Variants in USH2A observed in about 807,000 individuals in gnomAD.
USH2A encodes the protein usherin, also known as Usher syndrome 2A (autosomal recessive, mild).
A neutral mutation model predicts 538.9 loss-of-function variants in USH2A; 443 were observed. The ratio of observed to expected loss-of-function variants is 0.82; its 90% CI spans 0.76 to 0.89. The LOEUF (loss-of-function observed/expected upper bound fraction) is 0.89, where lower values mean the gene tolerates loss of function less well. Among genes scored for constraint, USH2A ranks in the 40% least tolerant of loss-of-function variants. The pLI is 0.00. For missense variants in USH2A, 6,633 were observed against 6,324.8 expected, an observed-to-expected ratio of 1.05 and a Z score of -1.65; for synonymous variants, 2,413 against 2,273.5, an observed-to-expected ratio of 1.06 and a Z score of -1.75.
Position 215,790,159 on chromosome 1 carries a change from G to T in USH2A, c.10082C>A (p.Thr3361Asn). 2 of 1,613,934 alleles carry T rather than the reference G, an allele frequency of 1.2e-6. No individual in the cohort carries two copies. The highest frequency in any genetic ancestry group is 1.7e-6 in the Non-Finnish European group (2 of 1,179,992). The change falls in exon 51 of 72, where the codon ACT becomes AAT. Residue 3361 changes from threonine to asparagine, a missense_variant. Thr to Asn is a moderately conservative substitution (Grantham distance 65). Transcript: ENST00000307340. ...TTTCTGGCTCTTTGGAATAAGTTCA[G>T]TCTCACAGCATTTTACTGGCACCGG... ...NDPVPVKCCETELIPKSQKCC... is the reference protein window; with the variant it reads ...NDPVPVKCCENELIPKSQKCC...
intron 20 of USH2A, 70 bp downstream of exon 20, chr1:216,190,152 AG>A (rs2034685606): frequency 6.3e-7 from 1 of 1,587,264 alleles, no homozygotes; most frequent in African/African-American, 1.4e-5. Context: ...CAAGTAGAGA[AG>A]GTGTTGAATA....
In USH2A at chr1:215,970,634, C is replaced by A. The variant is rs1667470556; in HGVS notation, c.6948G>T (p.Leu2316=). Residue 2316 remains leucine, a synonymous_variant, in exon 36 of 72, where the codon CTG becomes CTT. Coordinates refer to ENST00000307340, the MANE Select transcript of USH2A (RefSeq NM_206933.4). ...AAATTTAGATACTCACCAGTGGGCC[C>A]AGAGCACAACCTTTGGCCGTGCATG... is the stretch of plus-strand genomic sequence containing the variant. ...VQACTAKGCA[L]GPLVENRTLE... 2 of 1,613,444 alleles carry A rather than the reference C, an allele frequency of 1.2e-6. No individual in the cohort carries two copies. Among genetic ancestry groups the A allele is most frequent in the African/African-American group, 1.3e-5 (1 of 74,866 alleles).
chr1:216,355,311 G>GAAAGAAAGAAAGAAAGAAAGAAA (rs1558051742), intron 4 of USH2A, among the ~76,000 whole-genome samples: 1 of 25,156 alleles, frequency 4.0e-5, no homozygotes, highest in Non-Finnish European at 1.3e-4. Context: ...GCTTCAAAAA[G>GAAAGAAAGAAAGAAAGAAAGAAA]AAAGAAAGAA....
chr1:216,278,532 T>C (rs10864236), intron 11 of USH2A, among the ~76,000 whole-genome samples: 6,153 of 152,272 alleles, frequency 0.04, 395 homozygotes, highest in African/African-American at 0.14. Context: ...TAAACTTCCC[T>C]AATTCTCTGA....
intron 21 of USH2A, among the ~76,000 whole-genome samples, chr1:216,125,033 G>A (rs1223868119): frequency 6.6e-6 from 1 of 152,094 alleles, no homozygotes; most frequent in African/African-American, 2.4e-5. Flanking sequence ...TCTAGAGTAT[G>A]ATGAATGTGC....
At chr1:216,076,360 T>C (rs955536473) in intron 27 of USH2A, among the ~76,000 whole-genome samples, 1 of 152,200 alleles carries the variant, frequency 6.6e-6, no homozygotes, top group Non-Finnish European at 1.5e-5. Context: ...TCATAGTGTG[T>C]AGGTAAAATT....
chr1:215,839,416 C>A (rs1289448812), intron 46 of USH2A, among the ~76,000 whole-genome samples: 1 of 152,078 alleles, frequency 6.6e-6, no homozygotes, highest in East Asian at 1.9e-4. Flanking sequence ...AACAAATTTG[C>A]AGAGAAGCCA....
chr1:216,146,010 C>T (rs1378332550), intron 21 of USH2A, among the ~76,000 whole-genome samples: 2 of 152,212 alleles, frequency 1.3e-5, no homozygotes, highest in African/African-American at 4.8e-5. Context: ...TTATTGCTCA[C>T]ACAAAGCCTG....
chr1:215,741,541 G>GA lies in USH2A; in HGVS notation c.11549-5dup, dbSNP rs34565443. The GA allele has an allele frequency of 0.043, 40,161 of 928,684 alleles. 2 individuals carry two copies. The highest frequency in any genetic ancestry group is 0.058 in the South Asian group (2,812 of 48,558). The allele number at this position is 928,684 out of a possible 1,614,324, so 57.5% of individuals were successfully genotyped here. On this transcript the variant is annotated splice_polypyrimidine_tract_variant and splice_region_variant and intron_variant, in intron 59 of 71. Transcript: ENST00000307340. ...CTACTGCTAACTCCACAACTTCCTTGAAAAAAAAAAAATTGAGGTCTTTAT... is the reference window on the plus strand; with the variant it reads ...CTACTGCTAACTCCACAACTTCCTTGAAAAAAAAAAAAATTGAGGTCTTTAT...
chr1:215,667,633 G>T (rs1173071238), intron 64 of USH2A, among the ~76,000 whole-genome samples: 1 of 151,970 alleles, frequency 6.6e-6, no homozygotes, highest in Non-Finnish European at 1.5e-5. Flanking sequence ...GGGAGGCGGA[G>T]GTTACAGTGA....
At chr1:216,394,542 T>C (rs1004128543) in intron 3 of USH2A, among the ~76,000 whole-genome samples, 11 of 152,120 alleles carry the variant, frequency 7.2e-5, no homozygotes, top group African/African-American at 2.7e-4. Context: ...TTAATGTATA[T>C]GTATTTGAAA....
intron 55 of USH2A, among the ~76,000 whole-genome samples, chr1:215,767,638 T>C (rs1333043931): frequency 6.6e-6 from 1 of 152,222 alleles, no homozygotes; most frequent in Non-Finnish European, 1.5e-5. Context: ...AGAAGTTGTA[T>C]ATTGTTAGAT....
In USH2A at chr1:216,325,466, C is replaced by T; in HGVS notation, c.982G>A (p.Ala328Thr). The T allele has an allele frequency of 6.2e-7, 1 of 1,613,896 alleles. No homozygotes were observed. Residue 328 changes from alanine (A) to threonine (T), a missense_variant, in exon 6 of 72, where the codon GCT becomes ACT. Transcript: ENST00000307340. ...YCIPNDAGDT[A>T]DNRVSRLNPE... ...TTCAACCGTGACACTCTATTATCAG[C>T]TGTGTCTCCTGCATCATTAGGAATG...
chr1:216,352,683 G>A (rs1398050658), intron 4 of USH2A, among the ~76,000 whole-genome samples: 1 of 152,080 alleles, frequency 6.6e-6, no homozygotes, highest in Middle Eastern at 3.2e-3. Flanking sequence ...CCTTGAAAAT[G>A]TTCCATTAAT....
chr1:215,715,959 T>C lies in USH2A; in HGVS notation c.12066+12071A>G, dbSNP rs572536985. Among the ~76,000 whole-genome samples, 14 of 152,316 alleles carry C rather than the reference T, an allele frequency of 9.2e-5. No individual in the cohort carries two copies. The South Asian group carries it at 2.3e-3, about 25-fold the overall frequency. ...AATTTCTGCACCCTTCAGGTCTTCCTCCATCTCCTACGGAATGGTAAAATG... is the reference window on the plus strand; with the variant it reads ...AATTTCTGCACCCTTCAGGTCTTCCCCCATCTCCTACGGAATGGTAAAATG... On this transcript the variant is annotated intron_variant, in intron 61 of 71. Coordinates refer to ENST00000307340, the MANE Select transcript of USH2A (RefSeq NM_206933.4).
intron 44 of USH2A, among the ~76,000 whole-genome samples, chr1:215,863,563 C>G (rs1664387025): frequency 6.6e-6 from 1 of 152,104 alleles, no homozygotes; most frequent in Admixed American, 6.6e-5. Context: ...TACCCTCATA[C>G]TTTATGCATT....
At chr1:216,397,263 T>C (rs2039227126) in intron 3 of USH2A, among the ~76,000 whole-genome samples, 1 of 152,212 alleles carries the variant, frequency 6.6e-6, no homozygotes, top group Admixed American at 6.5e-5. Context: ...ATAGGTTTCT[T>C]ATAGGCACTT....
chr1:215,786,699 G>C lies in USH2A; in HGVS notation c.10358C>G (p.Thr3453Arg), dbSNP rs375485721. 4.3e-6 allele frequency: 7 copies of C among 1,613,902 alleles called. No individual in the cohort carries two copies. The highest frequency in any genetic ancestry group is 5.1e-6 in the Non-Finnish European group (6 of 1,179,934). Reference sequence around the variant, plus strand: ...GTAAGAGTACGTGTTTACACTCCCTGTATGAATGGTTTCTTCGGCAGATGA... The same window carrying C: ...GTAAGAGTACGTGTTTACACTCCCTCTATGAATGGTTTCTTCGGCAGATGA... Reference protein sequence around the residue: ...MCSSAEETIHTGSVNTYSYTD... With the variant: ...MCSSAEETIHRGSVNTYSYTD... Residue 3453 changes from threonine (T) to arginine (R), a missense_variant, in exon 52 of 72, where the codon ACA becomes AGA. Transcript: ENST00000307340.
intron 62 of USH2A, among the ~76,000 whole-genome samples, chr1:215,679,388 C>T (rs1243604272): frequency 6.6e-6 from 1 of 152,050 alleles, no homozygotes; most frequent in African/African-American, 2.4e-5. Context: ...AGTCCCAGCC[C>T]GCAGAAGGTA....
Sources: allele counts gnomAD v4.1 joint callset (sites outside exome capture counted in the v4.1 genomes callset), GRCh38; gene constraint gnomAD v4.1.1; transcripts MANE v1.5; gene names NCBI Gene and HGNC (gene_info 2026-07-23, HGNC 2026-07-21).